Variants in RAB27B observed in about 807,000 individuals in gnomAD.
RAB27B encodes RAB27B, member RAS oncogene family, also known as ras-related protein Rab-27B.
A neutral mutation model predicts 24.6 loss-of-function variants in RAB27B; 15 were observed. That is an observed-to-expected ratio of 0.61 (90% CI 0.41 to 0.94). RAB27B has a LOEUF of 0.94. Among genes scored for constraint, RAB27B ranks in the 40% least tolerant of loss-of-function variants. The pLI, the probability that RAB27B is intolerant of heterozygous loss-of-function variation, is 0.00. For synonymous variants in RAB27B, 105 were observed against 92.5 expected, an observed-to-expected ratio of 1.14 and a Z score of -0.78; for missense variants, 261 against 266.8, an observed-to-expected ratio of 0.98 and a Z score of 0.15.
intron 2 of RAB27B, among the ~76,000 whole-genome samples, chr18:54,728,902 C>CAAAAAAAAAAAAAAAAAAAAAAA (rs1568044214): frequency 2.5e-5 from 1 of 40,576 alleles, no homozygotes; most frequent in Non-Finnish European, 5.4e-5. Flanking sequence ...AAAAAAAAAC[C>CAAAAAAAAAAAAAAAAAAAAAAA]CAAAAAAAAA....
chr18:54,751,260 A>C (rs1330220603), intron 2 of RAB27B, among the ~76,000 whole-genome samples: 1 of 152,192 alleles, frequency 6.6e-6, no homozygotes, highest in East Asian at 1.9e-4. Context: ...TGAGGTCTAC[A>C]GCACTTAGTG....
At chr18:54,774,620 G>A (rs1212034906) in intron 2 of RAB27B, among the ~76,000 whole-genome samples, 1 of 152,202 alleles carries the variant, frequency 6.6e-6, no homozygotes. Context: ...ATTTTAGAGA[G>A]ATAGCTAAGT....
At chr18:54,756,877 T>C (rs1239932928) in intron 2 of RAB27B, among the ~76,000 whole-genome samples, 1 of 152,188 alleles carries the variant, frequency 6.6e-6, no homozygotes, top group African/African-American at 2.4e-5. Flanking sequence ...TTCCTTTATA[T>C]CTAACTAAAG....
At chr18:54,778,326 G>C (rs543015304) in intron 2 of RAB27B, among the ~76,000 whole-genome samples, 18 of 151,906 alleles carry the variant, frequency 1.2e-4, no homozygotes, top group Non-Finnish European at 2.6e-4. Context: ...TTCAGCATAA[G>C]AATCTGACTC....
At chr18:54,721,572 A>C (rs1909359277) in intron 2 of RAB27B, among the ~76,000 whole-genome samples, 1 of 152,152 alleles carries the variant, frequency 6.6e-6, no homozygotes, top group Non-Finnish European at 1.5e-5. Context: ...GCTGTATTGC[A>C]AGTATGGGAG....
chr18:54,855,723 A>C (rs1400500443), intron 1 of RAB27B, among the ~76,000 whole-genome samples: 1 of 152,240 alleles, frequency 6.6e-6, no homozygotes, highest in Non-Finnish European at 1.5e-5. Flanking sequence ...ACTATTGAAA[A>C]GTATATACTC....
At chr18:54,859,734 T>C (rs779056623) in intron 1 of RAB27B, among the ~76,000 whole-genome samples, 4 of 152,196 alleles carry the variant, frequency 2.6e-5, no homozygotes, top group Non-Finnish European at 5.9e-5. Flanking sequence ...AAAGACAAAA[T>C]TATAAATGTT....
intron 1 of RAB27B, among the ~76,000 whole-genome samples, chr18:54,848,806 C>CTAAAAGTAATG: frequency 6.6e-6 from 1 of 151,806 alleles, no homozygotes; most frequent in Admixed American, 6.6e-5. Flanking sequence ...TCCCAGGGAG[C>CTAAAAGTAATG]TAAAAGTAAT....
At chr18:54,730,740 A>G (rs1909704243) in intron 2 of RAB27B, among the ~76,000 whole-genome samples, 1 of 152,064 alleles carries the variant, frequency 6.6e-6, no homozygotes, top group Admixed American at 6.6e-5. Context: ...GCCATGAGTA[A>G]AAGCTTCCTG....
chr18:54,766,998 T>C (rs1908383376), intron 2 of RAB27B, among the ~76,000 whole-genome samples: 1 of 152,204 alleles, frequency 6.6e-6, no homozygotes, highest in South Asian at 2.1e-4. Context: ...TGGCCAAAGC[T>C]GACCAGGAAC....
chr18:54,857,158 A>T (rs1226239075), intron 1 of RAB27B, among the ~76,000 whole-genome samples: 1 of 152,170 alleles, frequency 6.6e-6, no homozygotes, highest in Non-Finnish European at 1.5e-5. Context: ...TTTTTGAAGC[A>T]TCCTGTTCCA....
chr18:54,868,857 C>G (rs1294463038), intron 1 of RAB27B, among the ~76,000 whole-genome samples: 1 of 152,096 alleles, frequency 6.6e-6, no homozygotes, highest in Non-Finnish European at 1.5e-5. Flanking sequence ...CAACTAAACT[C>G]TCTGTTTTTA....
chr18:54,824,962 C>T (rs556700019), upstream of RAB27B, among the ~76,000 whole-genome samples: 3 of 152,082 alleles, frequency 2.0e-5, no homozygotes, highest in South Asian at 2.1e-4. Flanking sequence ...TTCATCTCTT[C>T]CTCTTTCTTG....
At chr18:54,777,381 A>G (rs962835838) in intron 2 of RAB27B, among the ~76,000 whole-genome samples, 11 of 152,208 alleles carry the variant, frequency 7.2e-5, no homozygotes, top group Non-Finnish European at 1.5e-4. Context: ...AAATGTTACT[A>G]GAAATGCATT....
chr18:54,834,540 T>A (rs1336358419), intron 1 of RAB27B, among the ~76,000 whole-genome samples: 2 of 152,196 alleles, frequency 1.3e-5, no homozygotes, highest in Non-Finnish European at 2.9e-5. Flanking sequence ...TCCTTCCTTC[T>A]TTTTTCCTTT....
At chr18:54,826,791 T>C (rs1910490867), upstream of RAB27B, among the ~76,000 whole-genome samples, 12 of 152,192 alleles carry the variant, frequency 7.9e-5, no homozygotes, top group Admixed American at 7.2e-4. Context: ...ACTGCGACTT[T>C]CTCAACCTCA....
At chr18:54,805,772 C>T (rs377317291) in intron 2 of RAB27B, among the ~76,000 whole-genome samples, 4 of 152,200 alleles carry the variant, frequency 2.6e-5, no homozygotes, top group South Asian at 2.1e-4. Context: ...AGTTATTGTA[C>T]GAAACTTAAG....
chr18:54,735,554 C>T (rs1191627262), intron 2 of RAB27B, among the ~76,000 whole-genome samples: 3 of 152,136 alleles, frequency 2.0e-5, no homozygotes, highest in African/African-American at 7.2e-5. Flanking sequence ...TGGTGTTTCA[C>T]TCTGTTGCCC....
intron 2 of RAB27B, among the ~76,000 whole-genome samples, chr18:54,819,522 A>C (rs1213356676): frequency 8.4e-6 from 1 of 119,342 alleles, no homozygotes; most frequent in Non-Finnish European, 1.8e-5. Flanking sequence ...ACAGAACAAG[A>C]CTCCATCTCA....
Sources: allele counts gnomAD v4.1 joint callset (sites outside exome capture counted in the v4.1 genomes callset), GRCh38; gene constraint gnomAD v4.1.1; transcripts MANE v1.5; gene names NCBI Gene and HGNC (gene_info 2026-07-23, HGNC 2026-07-21).